Variants in ROBO1 observed in about 807,000 individuals in gnomAD.
ROBO1 encodes the protein roundabout homolog 1.
Under a neutral mutation model 195.9 loss-of-function variants are expected in ROBO1, and 149 were observed. The observed-to-expected ratio is 0.76, with a 90% CI of 0.67 to 0.87. The LOEUF (loss-of-function observed/expected upper bound fraction) is 0.87, where lower values mean the gene tolerates loss of function less well. Among genes scored for constraint, ROBO1 ranks in the 40% least tolerant of loss-of-function variants. The pLI is 0.00. For synonymous variants in ROBO1, 816 were observed against 733.2 expected (o/e 1.11, Z -1.82); for missense variants, 1,933 against 2,068.3 (o/e 0.93, Z 1.27).
rs74964096 is a variant in ROBO1 at position 79,388,050 on chromosome 3, T to G, written c.88+201774A>C. On this transcript the variant is annotated intron_variant, in intron 2 of 30. Coordinates refer to ENST00000464233, the MANE Select transcript of ROBO1 (RefSeq NM_002941.4). ...TAAACTGAATGGAATTCTCACAAACTAATTTCTTGGTTAAGCTATTAAAAG... is the reference window on the plus strand; with the variant it reads ...TAAACTGAATGGAATTCTCACAAACGAATTTCTTGGTTAAGCTATTAAAAG... 8.2e-3 allele frequency among the ~76,000 whole-genome samples: 1,253 copies of G among 152,298 alleles called. 22 individuals carry two copies. Among genetic ancestry groups the G allele is most frequent in the African/African-American group, 0.029 (1,193 of 41,570 alleles).
chr3:78,608,291 A>G (rs1703587685), intron 28 of ROBO1, among the ~76,000 whole-genome samples: 1 of 151,580 alleles, frequency 6.6e-6, no homozygotes, highest in African/African-American at 2.4e-5. Flanking sequence ...GTTTTTGTAG[A>G]GACAGGGTTT....
intron 29 of ROBO1, among the ~76,000 whole-genome samples, chr3:78,603,935 A>C (rs1360975647): frequency 6.6e-6 from 1 of 152,104 alleles, no homozygotes; most frequent in East Asian, 1.9e-4. Flanking sequence ...CAACTTACTA[A>C]ATTTCTGAAG....
At chr3:78,625,298 G>T (rs985749214) in intron 26 of ROBO1, among the ~76,000 whole-genome samples, 1 of 152,096 alleles carries the variant, frequency 6.6e-6, no homozygotes, top group Non-Finnish European at 1.5e-5. Flanking sequence ...CTAAATAGGA[G>T]GATAACTAAG....
chr3:78,747,998 C>T (rs1346109920), intron 4 of ROBO1, among the ~76,000 whole-genome samples: 1 of 152,080 alleles, frequency 6.6e-6, no homozygotes, highest in East Asian at 1.9e-4. Flanking sequence ...GTACAAAGTC[C>T]AATAGTTATC....
chr3:79,713,231 C>A (rs1056978249), intron 1 of ROBO1, among the ~76,000 whole-genome samples: 1 of 152,060 alleles, frequency 6.6e-6, no homozygotes, highest in Non-Finnish European at 1.5e-5. Context: ...TCTGCTAACA[C>A]ATTTTTTCTG....
At position 79,040,217 on chromosome 3, in the gene ROBO1, A is replaced by G. The variant is rs149673377; in HGVS notation, c.172+85239T>C. ...TAAAGATTCGCCTCAATCTTTCTCCATAATCTTCACTGGGGATGTACGTCG... is the reference window on the plus strand; with the variant it reads ...TAAAGATTCGCCTCAATCTTTCTCCGTAATCTTCACTGGGGATGTACGTCG... On this transcript the variant is annotated intron_variant, in intron 3 of 30. Transcript: ENST00000464233. Among the ~76,000 whole-genome samples, 144 of 152,290 alleles carry G rather than the reference A, an allele frequency of 9.5e-4. 4 individuals carry two copies. The highest frequency in any genetic ancestry group is 2.6e-3 in the Admixed American group (39 of 15,292).
intron 4 of ROBO1, among the ~76,000 whole-genome samples, chr3:78,775,647 C>T (rs1024143055): frequency 6.6e-6 from 1 of 152,182 alleles, no homozygotes; most frequent in African/African-American, 2.4e-5. Flanking sequence ...AAAATACATG[C>T]TTTAAAGCAT....
chr3:79,145,832 A>G (rs2080637024), intron 2 of ROBO1, among the ~76,000 whole-genome samples: 1 of 152,028 alleles, frequency 6.6e-6, no homozygotes, highest in African/African-American at 2.4e-5. Flanking sequence ...AATAACACGA[A>G]TTAAATAAAA....
chr3:79,104,038 A>T (rs1272361589), intron 3 of ROBO1, among the ~76,000 whole-genome samples: 1 of 151,778 alleles, frequency 6.6e-6, no homozygotes, highest in Non-Finnish European at 1.5e-5. Flanking sequence ...CAACACATTA[A>T]AATCATCTGA....
chr3:78,824,090 T>A (rs1021702031), intron 4 of ROBO1, among the ~76,000 whole-genome samples: 4 of 152,208 alleles, frequency 2.6e-5, no homozygotes, highest in Non-Finnish European at 5.9e-5. Context: ...AATTATTTGT[T>A]TTTATTTCCT....
At chr3:79,508,942 A>G (rs1940553569) in intron 2 of ROBO1, among the ~76,000 whole-genome samples, 1 of 152,162 alleles carries the variant, frequency 6.6e-6, no homozygotes, top group African/African-American at 2.4e-5. Flanking sequence ...AAAACAAAGT[A>G]TAAGTCTTAT....
Position 78,993,035 on chromosome 3 carries a change from C to CT in ROBO1, c.173-54109_173-54108insA, listed in dbSNP as rs573717233. On this transcript the variant is annotated intron_variant, in intron 3 of 30. Transcript: ENST00000464233. ...TCTCTAAGTATTTCACAACACTGAGCCAGACTTTCTCAATTCTCCTCTCAT... is the reference window on the plus strand; with the variant it reads ...TCTCTAAGTATTTCACAACACTGAGCTCAGACTTTCTCAATTCTCCTCTCAT... Among the ~76,000 whole-genome samples the CT allele has an allele frequency of 3.9e-3, 600 of 152,150 alleles. 5 individuals carry two copies. Among genetic ancestry groups the CT allele is most frequent in the African/African-American group, 0.014 (571 of 41,514 alleles).
chr3:79,335,288 G>A (rs886429999), intron 2 of ROBO1, among the ~76,000 whole-genome samples: 1 of 152,034 alleles, frequency 6.6e-6, no homozygotes, highest in Admixed American at 6.6e-5. Flanking sequence ...GTATATTCAA[G>A]AAATTTGTAC....
At chr3:79,059,644 G>C (rs2078878535) in intron 3 of ROBO1, among the ~76,000 whole-genome samples, 1 of 151,984 alleles carries the variant, frequency 6.6e-6, no homozygotes, top group Non-Finnish European at 1.5e-5. Flanking sequence ...TCTTATGCCT[G>C]TCTTTACTGC....
intron 2 of ROBO1, among the ~76,000 whole-genome samples, chr3:79,334,592 A>G (rs2034589953): frequency 6.6e-6 from 1 of 151,980 alleles, no homozygotes; most frequent in Admixed American, 6.6e-5. Flanking sequence ...TACAGTGAAG[A>G]CATGAATATG....
intron 3 of ROBO1, among the ~76,000 whole-genome samples, chr3:78,960,499 G>A (rs2041277295): frequency 6.6e-6 from 1 of 151,786 alleles, no homozygotes; most frequent in African/African-American, 2.4e-5. Context: ...TACATAATGG[G>A]TCCGGGTGTG....
chr3:79,656,550 C>T (rs1377987282), intron 1 of ROBO1, among the ~76,000 whole-genome samples: 1 of 151,642 alleles, frequency 6.6e-6, no homozygotes, highest in East Asian at 1.9e-4. Context: ...TCTATTTTTA[C>T]TGTCATAACC....
At chr3:79,399,686 A>G (rs1484066527) in intron 2 of ROBO1, among the ~76,000 whole-genome samples, 1 of 152,180 alleles carries the variant, frequency 6.6e-6, no homozygotes, top group Non-Finnish European at 1.5e-5. Flanking sequence ...AATTTCCTTA[A>G]AAACATCAAG....
chr3:79,298,223 C>G (rs2032699374), intron 2 of ROBO1, among the ~76,000 whole-genome samples: 1 of 152,112 alleles, frequency 6.6e-6, no homozygotes, highest in South Asian at 2.1e-4. Context: ...GAAGAGCAAT[C>G]TATAACCAGG....
Sources: gnomAD v4.1 joint callset for allele counts (sites outside exome capture counted in the v4.1 genomes callset) on GRCh38, gnomAD v4.1.1 for gene constraint, MANE v1.5 for transcripts, NCBI Gene and HGNC (gene_info 2026-07-23, HGNC 2026-07-21) for gene names.